The following SLIT3 variants were observed in gnomAD, a reference collection of about 807,000 sequenced individuals.
SLIT3 encodes slit guidance ligand 3.
Under a neutral mutation model 184.0 loss-of-function variants are expected in SLIT3, and 68 were observed. The observed-to-expected ratio is 0.37, with a 90% CI of 0.30 to 0.45. The LOEUF (loss-of-function observed/expected upper bound fraction) is 0.45. Ranked by LOEUF, SLIT3 falls within the 20% of genes least tolerant of loss-of-function variation. SLIT3 has a pLI of 1.00. For missense variants in SLIT3, 1,707 were observed against 2,026.0 expected (o/e 0.84, Z 3.02); for synonymous variants, 831 against 828.6 (o/e 1.00, Z -0.05).
At chr5:169,030,250 C>T (rs1368430417) in intron 4 of SLIT3, 1 of 152,248 alleles carries the variant, frequency 6.6e-6, no homozygotes, top group Non-Finnish European at 1.5e-5. Flanking sequence ...ATACTAATGC[C>T]TTGCATTGCT....
chr5:168,980,343 T>G (rs1044066777), intron 4 of SLIT3, among the ~76,000 whole-genome samples: 1 of 152,102 alleles, frequency 6.6e-6, no homozygotes, highest in Non-Finnish European at 1.5e-5. Flanking sequence ...CATTCCAAAA[T>G]GACCAAGGGG....
At chr5:169,039,111 C>G (rs1757358979) in intron 4 of SLIT3, among the ~76,000 whole-genome samples, 1 of 152,020 alleles carries the variant, frequency 6.6e-6, no homozygotes, top group Non-Finnish European at 1.5e-5. Context: ...AGGTTAGTTA[C>G]ATATGTATAC....
Position 168,704,564 on chromosome 5 carries a change from C to T in SLIT3, c.2844+3412G>A, listed in dbSNP as rs575942153. Among the ~76,000 whole-genome samples the T allele has an allele frequency of 9.8e-5, 15 of 152,334 alleles. No homozygotes were observed. In the Middle Eastern group the frequency reaches 0.01, roughly 104 times the overall value. On this transcript the variant is annotated intron_variant, in intron 26 of 35. Coordinates refer to ENST00000519560, the MANE Select transcript of SLIT3 (RefSeq NM_003062.4). ...AGCTTGGGTAAATTATTTCATCTTT[C>T]TGAACCTTAGTTGTTTCATCTATTA... is the stretch of plus-strand genomic sequence containing the variant.
At chr5:168,803,145 A>C (rs950266504) in intron 9 of SLIT3, among the ~76,000 whole-genome samples, 19 of 152,258 alleles carry the variant, frequency 1.2e-4, no homozygotes, top group African/African-American at 4.6e-4. Context: ...TGTATCTACT[A>C]TACAATACAC....
chr5:169,159,551 G>A (rs565736151), intron 4 of SLIT3, among the ~76,000 whole-genome samples: 120 of 148,736 alleles, frequency 8.1e-4, no homozygotes, highest in African/African-American at 2.7e-3. Context: ...TGAGGTGGGC[G>A]GATCACAAGG....
chr5:168,799,647 C>T (rs911963159), intron 9 of SLIT3, among the ~76,000 whole-genome samples: 11 of 152,172 alleles, frequency 7.2e-5, no homozygotes, highest in African/African-American at 1.2e-4. Flanking sequence ...GGCATGTCTG[C>T]AAGTCACCTG....
At chr5:169,294,440 T>TA (rs1554115126) in intron 1 of SLIT3, among the ~76,000 whole-genome samples, 2 of 152,094 alleles carry the variant, frequency 1.3e-5, no homozygotes, top group Admixed American at 6.5e-5. Flanking sequence ...GGCTCTGCTG[T>TA]GGGGGCAGGA....
chr5:168,747,764 C>G (rs1453966168), intron 20 of SLIT3, among the ~76,000 whole-genome samples: 1 of 152,010 alleles, frequency 6.6e-6, no homozygotes, highest in Non-Finnish European at 1.5e-5. Context: ...TAAGAAAGCT[C>G]CTGTTCTGAG....
chr5:169,244,776 C>T lies in SLIT3; in HGVS notation c.270G>A (p.Leu90=), dbSNP rs201341588. ...CGCTGACCTGGTTGTCTTCCAGATG[C>T]CTACAACCACAGAGACAGCAATGAC... ...DFAGLKNLRV[L]HLEDNQVSVI... Residue 90 remains leucine, a splice_region_variant and synonymous_variant, in exon 3 of 36, where the codon TTG becomes TTA. Coordinates refer to ENST00000519560, the MANE Select transcript of SLIT3 (RefSeq NM_003062.4). The T allele has an allele frequency of 6.9e-5, 111 of 1,613,308 alleles. No homozygotes were observed. The highest frequency in any genetic ancestry group is 9.0e-5 in the Non-Finnish European group (106 of 1,179,844).
chr5:169,110,709 A>G (rs1299255672), intron 4 of SLIT3, among the ~76,000 whole-genome samples: 1 of 152,174 alleles, frequency 6.6e-6, no homozygotes, highest in Non-Finnish European at 1.5e-5. Flanking sequence ...AGGGGACACA[A>G]TTCAATGCAT....
At chr5:168,913,753 C>A (rs12189347) in intron 4 of SLIT3, among the ~76,000 whole-genome samples, 67,831 of 143,792 alleles carry the variant, frequency 0.47, 16,563 homozygotes, top group South Asian at 0.56. Context: ...AAAAAAAAAA[C>A]AAACAAACAA....
At chr5:169,211,288 T>C (rs1764257168) in intron 3 of SLIT3, among the ~76,000 whole-genome samples, 1 of 152,228 alleles carries the variant, frequency 6.6e-6, no homozygotes, top group Non-Finnish European at 1.5e-5. Flanking sequence ...TGGGGTCTCA[T>C]GACTGGTTCC....
chr5:169,208,634 A>G (rs1243777391), intron 3 of SLIT3, among the ~76,000 whole-genome samples: 1 of 152,214 alleles, frequency 6.6e-6, no homozygotes, highest in Non-Finnish European at 1.5e-5. Flanking sequence ...AACTCCACAC[A>G]TCTACAACCA....
chr5:169,056,577 T>C (rs895292846), intron 4 of SLIT3, among the ~76,000 whole-genome samples: 1 of 151,562 alleles, frequency 6.6e-6, no homozygotes, highest in African/African-American at 2.4e-5. Context: ...CTTCCAGACA[T>C]TCATAGCTGG....
intron 6 of SLIT3, among the ~76,000 whole-genome samples, chr5:168,825,150 T>C (rs1449817556): frequency 6.6e-6 from 1 of 152,160 alleles, no homozygotes; most frequent in East Asian, 1.9e-4. Flanking sequence ...GGGTATGTGC[T>C]CAGTAAGTGG....
At chr5:169,110,993 C>T (rs1277814736) in intron 4 of SLIT3, among the ~76,000 whole-genome samples, 1 of 152,192 alleles carries the variant, frequency 6.6e-6, no homozygotes, top group Non-Finnish European at 1.5e-5. Context: ...TACTACTACC[C>T]CACAAGCCTT....
In SLIT3 at chr5:168,665,202, C is replaced by T. The variant is rs577424880; in HGVS notation, c.*1252G>A. Reference sequence around the variant, plus strand: ...CTTCTTAGTGAACCCAGCTCTACTCCCTTATCCTTCCCAGGGAGGCAGGGG... The same window carrying T: ...CTTCTTAGTGAACCCAGCTCTACTCTCTTATCCTTCCCAGGGAGGCAGGGG... On this transcript the variant is annotated 3_prime_UTR_variant, in exon 36 of 36. Transcript: ENST00000519560. The T allele has an allele frequency of 3.3e-5, 5 of 152,318 alleles. No individual in the cohort carries two copies. In the South Asian group the frequency reaches 1.0e-3, roughly 32 times the overall value. The allele number at this position is 152,318 out of a possible 1,614,324, so 9.4% of individuals were successfully genotyped here.
At position 168,663,035 on chromosome 5, in the gene SLIT3, T is replaced by A. The variant is rs1760923653; in HGVS notation, c.*3419A>T. The A allele has an allele frequency of 6.6e-6, 1 of 152,316 alleles. No homozygotes were observed. 9.4% of individuals were successfully genotyped at this position (152,316 alleles called of 1,614,324 possible). On this transcript the variant is annotated 3_prime_UTR_variant, in exon 36 of 36. Transcript: ENST00000519560. ...GGCTCAAAATTATAAGGGACAGACCTGGCCCTTTTGCTGTCTTGGTTGATG... is the reference window on the plus strand; with the variant it reads ...GGCTCAAAATTATAAGGGACAGACCAGGCCCTTTTGCTGTCTTGGTTGATG...
chr5:168,667,744 G>A (rs539830297), intron 35 of SLIT3: 1 of 152,240 alleles, frequency 6.6e-6, no homozygotes, highest in Non-Finnish European at 1.5e-5. Context: ...CACCAGAGGC[G>A]ATTGTGAAGG....
Sources: gnomAD v4.1 joint callset for allele counts (sites outside exome capture counted in the v4.1 genomes callset) on GRCh38, gnomAD v4.1.1 for gene constraint, MANE v1.5 for transcripts, NCBI Gene and HGNC (gene_info 2026-07-23, HGNC 2026-07-21) for gene names.